The following LDLRAD4 variants were observed in gnomAD, a reference collection of about 807,000 sequenced individuals.
LDLRAD4 encodes low-density lipoprotein receptor class A domain-containing protein 4.
A neutral mutation model predicts 17.0 loss-of-function variants in LDLRAD4; 5 were observed. The ratio of observed to expected loss-of-function variants is 0.29; its 90% CI spans 0.15 to 0.62. The LOEUF is 0.62. Among genes scored for constraint, LDLRAD4 ranks in the 20% least tolerant of loss-of-function variants. LDLRAD4 has a pLI of 0.84. For synonymous variants in LDLRAD4, 168 were observed against 171.8 expected (o/e 0.98, Z 0.17); for missense variants, 340 against 424.7 (o/e 0.80, Z 1.75).
At chr18:13,568,712 T>G (rs1417725901) in intron 3 of LDLRAD4, among the ~76,000 whole-genome samples, 2 of 152,184 alleles carry the variant, frequency 1.3e-5, no homozygotes, top group Non-Finnish European at 2.9e-5. Context: ...TCAGGACCTG[T>G]GGCCTTCGTT....
intron 2 of LDLRAD4, among the ~76,000 whole-genome samples, chr18:13,431,613 T>C (rs1358668203): frequency 2.0e-5 from 3 of 152,222 alleles, no homozygotes; most frequent in Non-Finnish European, 4.4e-5. Flanking sequence ...TCTCATAGAA[T>C]TTGAGACCCA....
intron 1 of LDLRAD4, among the ~76,000 whole-genome samples, chr18:13,244,386 C>T (rs1261344408): frequency 2.6e-5 from 4 of 152,080 alleles, no homozygotes; most frequent in Admixed American, 1.3e-4. Context: ...CTAACATCCA[C>T]CCACTGATCT....
intron 3 of LDLRAD4, among the ~76,000 whole-genome samples, chr18:13,531,205 A>G (rs558585461): frequency 2.5e-4 from 38 of 152,228 alleles, no homozygotes; most frequent in Non-Finnish European, 4.9e-4. Flanking sequence ...TTCCAACTCA[A>G]GATTAAGTCA....
intron 3 of LDLRAD4, among the ~76,000 whole-genome samples, chr18:13,620,563 C>T (rs908245943): frequency 6.6e-6 from 1 of 152,220 alleles, no homozygotes; most frequent in African/African-American, 2.4e-5. Flanking sequence ...CTCTGTGTTG[C>T]TGGACTCACA....
intron 1 of LDLRAD4, among the ~76,000 whole-genome samples, chr18:13,272,439 T>C (rs2044615759): frequency 6.6e-6 from 1 of 152,236 alleles, no homozygotes; most frequent in Non-Finnish European, 1.5e-5. Flanking sequence ...TGGACCACTT[T>C]ACTGTTGCAT....
chr18:13,558,525 C>T (rs2094507299), intron 3 of LDLRAD4, among the ~76,000 whole-genome samples: 1 of 152,216 alleles, frequency 6.6e-6, no homozygotes, highest in East Asian at 1.9e-4. Context: ...ATCTATGTAG[C>T]TGTAACCCGA....
chr18:13,549,375 C>T (rs2094407037), intron 3 of LDLRAD4, among the ~76,000 whole-genome samples: 1 of 152,038 alleles, frequency 6.6e-6, no homozygotes, highest in African/African-American at 2.4e-5. Context: ...GATGAGGAAT[C>T]ACGCTGGATA....
At chr18:13,648,399 G>T (rs184111515) in exon 6 of LDLRAD4, 155 of 152,308 alleles carry the variant, frequency 1.0e-3, no homozygotes, top group African/African-American at 3.6e-3. Context: ...ACTTTGAAAG[G>T]TCTTCGAGGC....
chr18:13,599,840 A>G (rs909472429), intron 3 of LDLRAD4, among the ~76,000 whole-genome samples: 2 of 152,212 alleles, frequency 1.3e-5, no homozygotes, highest in African/African-American at 2.4e-5. Context: ...CAAACACAAT[A>G]TATATGTGGA....
chr18:13,270,377 A>G (rs1452698268), intron 1 of LDLRAD4, among the ~76,000 whole-genome samples: 2 of 151,844 alleles, frequency 1.3e-5, no homozygotes, highest in Middle Eastern at 3.4e-3. Context: ...AAAGAAAAGG[A>G]AAAAAAGAAA....
At chr18:13,348,826 G>A (rs556539362) in intron 1 of LDLRAD4, among the ~76,000 whole-genome samples, 3 of 152,264 alleles carry the variant, frequency 2.0e-5, no homozygotes, top group Non-Finnish European at 4.4e-5. Context: ...TCAGACTGCT[G>A]TGCTAGCAAT....
At chr18:13,280,533 A>G (rs1357639607) in intron 1 of LDLRAD4, among the ~76,000 whole-genome samples, 1 of 152,178 alleles carries the variant, frequency 6.6e-6, no homozygotes. Context: ...GGACTACGGA[A>G]GTTTGCTAAG....
chr18:13,320,167 G>A (rs963902012), intron 1 of LDLRAD4, among the ~76,000 whole-genome samples: 80 of 152,232 alleles, frequency 5.3e-4, no homozygotes, highest in African/African-American at 9.1e-4. Flanking sequence ...TTTATACATC[G>A]TTTCTGTTTA....
intron 1 of LDLRAD4, among the ~76,000 whole-genome samples, chr18:13,357,229 T>TC (rs2083398377): frequency 6.6e-6 from 1 of 152,168 alleles, no homozygotes. Flanking sequence ...TCTACTTCCT[T>TC]ATTTTCCTTG....
At chr18:13,535,114 A>G (rs1249981229) in intron 3 of LDLRAD4, among the ~76,000 whole-genome samples, 1 of 152,172 alleles carries the variant, frequency 6.6e-6, no homozygotes, top group East Asian at 1.9e-4. Flanking sequence ...GTTTGGGGCT[A>G]TTAGAAATAA....
chr18:13,381,407 C>A (rs1401885187), intron 1 of LDLRAD4, among the ~76,000 whole-genome samples: 2 of 152,128 alleles, frequency 1.3e-5, no homozygotes, highest in African/African-American at 4.8e-5. Flanking sequence ...TCTCTCTCGG[C>A]CAGAGACATG....
intron 1 of LDLRAD4, among the ~76,000 whole-genome samples, chr18:13,344,552 T>C (rs1348713224): frequency 6.6e-6 from 1 of 152,212 alleles, no homozygotes; most frequent in Non-Finnish European, 1.5e-5. Context: ...CTTAGGATTG[T>C]CTTGGCAATG....
chr18:13,452,246 G>A (rs1041707816), intron 3 of LDLRAD4, among the ~76,000 whole-genome samples: 1 of 152,108 alleles, frequency 6.6e-6, no homozygotes, highest in Non-Finnish European at 1.5e-5. Flanking sequence ...GAGTGTGCCC[G>A]GCACAGCAGG....
At chr18:13,612,627 T>C in intron 3 of LDLRAD4, 2 of 1,607,794 alleles carry the variant, frequency 1.2e-6, no homozygotes, top group Non-Finnish European at 1.7e-6. Context: ...GGAGAGGAGA[T>C]TGCCGGAAGC....
Sources: gnomAD v4.1 joint callset for allele counts (sites outside exome capture counted in the v4.1 genomes callset) on GRCh38, gnomAD v4.1.1 for gene constraint, MANE v1.5 for transcripts, NCBI Gene and HGNC (gene_info 2026-07-23, HGNC 2026-07-21) for gene names.